The following ATP5F1C variants were observed in gnomAD, a reference collection of about 807,000 sequenced individuals.
ATP5F1C encodes the protein ATP synthase F1 subunit gamma.
ATP5F1C carries 22 observed loss-of-function variants against 37.4 expected under a neutral mutation model. That is an observed-to-expected ratio of 0.59 (90% CI 0.42 to 0.84). The LOEUF is 0.84. Ranked by LOEUF, ATP5F1C falls within the 40% of genes least tolerant of loss-of-function variation. The probability of loss-of-function intolerance (pLI) is 0.00; values close to 1 mark genes in which losing one functional copy is unlikely to be tolerated. For missense variants in ATP5F1C, 286 were observed against 362.4 expected (o/e 0.79, Z 1.71); for synonymous variants, 121 against 128.0 (o/e 0.95, Z 0.37).
intron 8 of ATP5F1C, 50 bp from the exon 9 acceptor site, chr10:7,806,924 C>T (rs1237072348): frequency 2.0e-6 from 3 of 1,532,270 alleles, no homozygotes; most frequent in Non-Finnish European, 2.7e-6. Flanking sequence ...TGGATTGCTT[C>T]TTGACCTGCT....
chr10:7,798,358 T>G (rs1273383629), intron 3 of ATP5F1C, among the ~76,000 whole-genome samples: 1 of 152,046 alleles, frequency 6.6e-6, no homozygotes, highest in Non-Finnish European at 1.5e-5. Context: ...TGCCTCAGCC[T>G]CCCCAGTAGC....
chr10:7,805,904 T>G (rs1205086659), intron 8 of ATP5F1C, among the ~76,000 whole-genome samples: 1 of 151,660 alleles, frequency 6.6e-6, no homozygotes, highest in East Asian at 1.9e-4. Context: ...CTGAGCAACA[T>G]AGCAAGACCC....
chr10:7,805,985 T>C (rs947840479), intron 8 of ATP5F1C, among the ~76,000 whole-genome samples: 1 of 151,908 alleles, frequency 6.6e-6, no homozygotes, highest in African/African-American at 2.4e-5. Context: ...ACTCAGGAAA[T>C]TGAGGCAGGA....
At chr10:7,795,999 A>G (rs1168850946) in intron 1 of ATP5F1C, 122 bp from the exon 2 acceptor site, 2 of 729,076 alleles carry the variant, frequency 2.7e-6, no homozygotes, top group Admixed American at 6.2e-5. Context: ...TGAGTCCTGT[A>G]TTTGATAGAT....
At position 7,796,020 on chromosome 10, in the gene ATP5F1C, T is replaced by A; in HGVS notation, c.57-101T>A. 1.2e-5 allele frequency: 10 copies of A among 837,244 alleles called. No homozygotes were observed. In the South Asian group the frequency reaches 1.6e-4, roughly 14 times the overall value. 51.9% of individuals were successfully genotyped at this position (837,244 alleles called of 1,614,324 possible). ...CTGTATTTGATAGATTGTTTCTTTA[T>A]GGGGTATTCTTTAAATAAATATATA... On this transcript the variant is annotated intron_variant, in intron 1 of 9. Transcript: ENST00000356708.
intron 1 of ATP5F1C, among the ~76,000 whole-genome samples, chr10:7,794,041 G>A (rs563290569): frequency 1.1e-4 from 16 of 152,220 alleles, no homozygotes; most frequent in East Asian, 5.8e-4. Context: ...CCACAAAATA[G>A]ATATCAACTA....
At chr10:7,796,077 T>G (rs766077253) in intron 1 of ATP5F1C, 44 bp from the exon 2 acceptor site, 8 of 1,506,330 alleles carry the variant, frequency 5.3e-6, no homozygotes, top group Non-Finnish European at 7.2e-6. Context: ...ATAATGGAAC[T>G]ATTTTTCAAA....
At chr10:7,801,069 C>A (rs950870195) in intron 6 of ATP5F1C, among the ~76,000 whole-genome samples, 1 of 152,130 alleles carries the variant, frequency 6.6e-6, no homozygotes, top group Admixed American at 6.5e-5. Flanking sequence ...TGACTCAATT[C>A]TCTTGTTTTA....
rs1288323133 is a variant in ATP5F1C, at chr10:7,788,222, G to C, written c.15G>C (p.Ala5=). 1.9e-6 allele frequency: 3 copies of C among 1,613,408 alleles called. No individual in the cohort carries two copies. In the East Asian group the frequency reaches 6.7e-5, roughly 36 times the overall value. Reference sequence around the variant, plus strand: ...CTGTGGCTACCATGTTCTCTCGCGCGGGTGTCGCTGGGCTGTCGGCCTGGA... The same window carrying C: ...CTGTGGCTACCATGTTCTCTCGCGCCGGTGTCGCTGGGCTGTCGGCCTGGA... MFSR[A]GVAGLSAWTL... is the part of the protein sequence containing the mutation. The change falls in exon 1 of 10, where the codon GCG becomes GCC. Residue 5 remains alanine (A), a synonymous_variant. Coordinates refer to ENST00000356708, the MANE Select transcript of ATP5F1C (RefSeq NM_001001973.3).
intron 3 of ATP5F1C, 140 bp from the exon 4 acceptor site, chr10:7,798,850 A>C (rs2131066642): frequency 1.3e-6 from 1 of 775,330 alleles, no homozygotes; most frequent in African/African-American, 1.8e-5. Context: ...AGCTGTCCTA[A>C]GAACACCTGC....
Position 7,807,680 on chromosome 10 carries a change from A to G in ATP5F1C, c.*52A>G. 6.2e-6 allele frequency: 10 copies of G among 1,607,528 alleles called. No individual in the cohort carries two copies. Among genetic ancestry groups the G allele is most frequent in the Non-Finnish European group, 8.5e-6 (10 of 1,176,416 alleles). On this transcript the variant is annotated 3_prime_UTR_variant, in exon 10 of 10. Transcript: ENST00000356708. The stretch of plus-strand genomic sequence containing the variant: ...TCAGGTAAAGAAGGAAAATTCAGCC[A>G]GTTGATTTTGTTTTTAGCTTACTGC...
chr10:7,791,818 A>C (rs1836168905), intron 1 of ATP5F1C, among the ~76,000 whole-genome samples: 1 of 152,274 alleles, frequency 6.6e-6, no homozygotes, highest in Admixed American at 6.5e-5. Context: ...GAATTAAATG[A>C]AAGCTAAACA....
rs1405525963 is a variant in ATP5F1C at position 7,797,645 on chromosome 10, T to A, written c.223+467T>A. Among the ~76,000 whole-genome samples the A allele has an allele frequency of 9.2e-5, 14 of 152,142 alleles. No individual in the cohort carries two copies. The East Asian group carries it at 2.7e-3, about 29-fold the overall frequency. ...ACCTTGTAGTGTGGCATTTTAGGAC[T>A]GCAGCGGGGGCGGGTGAGGGGCAGT... On this transcript the variant is annotated intron_variant, in intron 3 of 9. Transcript: ENST00000356708.
intron 2 of ATP5F1C, 150 bp from the exon 3 acceptor site, chr10:7,796,897 C>G (rs1855031): frequency 1.1e-6 from 1 of 898,394 alleles, no homozygotes; most frequent in East Asian, 2.8e-5. Context: ...AGTACTAGTT[C>G]TAATATTAAG....
At chr10:7,807,525 C>A in intron 9 of ATP5F1C, 134 bp from the exon 10 acceptor site, 2 of 1,028,008 alleles carry the variant, frequency 1.9e-6, no homozygotes, top group Non-Finnish European at 2.7e-6. Flanking sequence ...TTTAGAATCA[C>A]TGGTATAGGG....
intron 6 of ATP5F1C, among the ~76,000 whole-genome samples, chr10:7,800,581 G>A (rs1280998332): frequency 8.0e-5 from 12 of 149,188 alleles, no homozygotes; most frequent in East Asian, 2.0e-4. Flanking sequence ...TGCAACCTTC[G>A]CCTCCCGGGT....
chr10:7,790,577 A>G lies in ATP5F1C; in HGVS notation c.56+2314A>G, dbSNP rs74970735. ...CTACAGATACCGATAAGGAGATGGC[A>G]TTTCAGGAGAGAAAAGACAAATTGT... On this transcript the variant is annotated intron_variant, in intron 1 of 9. Transcript: ENST00000356708. Among the ~76,000 whole-genome samples, 70 of 152,334 alleles carry G rather than the reference A, an allele frequency of 4.6e-4. No homozygotes were observed. The East Asian group carries it at 0.013, about 28-fold the overall frequency.
chr10:7,790,721 G>A (rs552057310), intron 1 of ATP5F1C, among the ~76,000 whole-genome samples: 2 of 152,330 alleles, frequency 1.3e-5, no homozygotes, highest in African/African-American at 2.4e-5. Context: ...GCATTCAGAC[G>A]GCAGGGATTG....
Position 7,807,678 on chromosome 10 carries a change from C to G in ATP5F1C, c.*50C>G, listed in dbSNP as rs772596842. ...TTTCAGGTAAAGAAGGAAAATTCAG[C>G]CAGTTGATTTTGTTTTTAGCTTACT... On this transcript the variant is annotated 3_prime_UTR_variant, in exon 10 of 10. Transcript: ENST00000356708. 6.2e-7 allele frequency: 1 copy of G among 1,606,408 alleles called. No homozygotes were observed. The highest frequency in any genetic ancestry group is 8.5e-7 in the Non-Finnish European group (1 of 1,175,894).
Sources: gnomAD v4.1 joint callset for allele counts (sites outside exome capture counted in the v4.1 genomes callset) on GRCh38, gnomAD v4.1.1 for gene constraint, MANE v1.5 for transcripts, NCBI Gene and HGNC (gene_info 2026-07-23, HGNC 2026-07-21) for gene names.